The following EIF5 variants were observed in gnomAD, a reference collection of about 807,000 sequenced individuals.
The protein encoded by EIF5 is eukaryotic translation initiation factor 5.
Under a neutral mutation model 48.3 loss-of-function variants are expected in EIF5, and 10 were observed. The ratio of observed to expected loss-of-function variants is 0.21; its 90% CI spans 0.13 to 0.35. The LOEUF (loss-of-function observed/expected upper bound fraction) is 0.35, where lower values mean the gene tolerates loss of function less well. Among genes scored for constraint, EIF5 ranks in the 10% least tolerant of loss-of-function variants. The pLI is 1.00. For missense variants in EIF5, 397 were observed against 533.2 expected (o/e 0.74, Z 2.51); for synonymous variants, 237 against 173.1 (o/e 1.37, Z -2.90).
chr14:103,339,042 C>T, intron 8 of EIF5, 130 bp from the exon 9 acceptor site: 2 of 1,467,042 alleles, frequency 1.4e-6, no homozygotes, highest in Non-Finnish European at 1.8e-6. Flanking sequence ...GCGCGTGATT[C>T]CAGGCACTAT....
At position 103,340,982 on chromosome 14, in the gene EIF5, C is replaced by A; in HGVS notation, c.1226C>A (p.Ala409Asp). 1 of 1,614,040 alleles carries A rather than the reference C, an allele frequency of 6.2e-7. No homozygotes were observed. Among genetic ancestry groups the A allele is most frequent in the South Asian group, 1.1e-5 (1 of 91,082 alleles). Residue 409 changes from alanine (A) to aspartate (D), a missense_variant, in exon 12 of 12, where the codon GCC becomes GAC. Physicochemically the swap from Ala to Asp is moderately radical, Grantham distance 126. Coordinates refer to ENST00000216554, the MANE Select transcript of EIF5 (RefSeq NM_001969.5). ...ENIEVVYSKA[A>D]SVPKVETVKS... The stretch of plus-strand genomic sequence containing the variant: ...TAACAGGTGGTGTATTCGAAGGCTG[C>A]CAGTGTACCGAAAGTTGAGACTGTA...
Position 103,335,838 on chromosome 14 carries a change from G to C in EIF5, c.-23G>C. The C allele has an allele frequency of 1.9e-6, 3 of 1,603,574 alleles. No homozygotes were observed. The highest frequency in any genetic ancestry group is 1.1e-5 in the South Asian group (1 of 90,922). On this transcript the variant is annotated 5_prime_UTR_variant, in exon 3 of 12. An upstream open reading frame in the 5' UTR loses its in-frame stop. Transcript: ENST00000216554. ...CAATCAAAGATCTCTTCATCTTATT[G>C]ATAAAGCCACTAATAAGCCAAAATG...
Position 103,339,720 on chromosome 14 carries a change from A to C in EIF5, c.988A>C (p.Ile330Leu). 2 of 1,614,268 alleles carry C rather than the reference A, an allele frequency of 1.2e-6. No homozygotes were observed. The highest frequency in any genetic ancestry group is 1.7e-6 in the Non-Finnish European group (2 of 1,180,046). ...GGTAGCAATGCATCAAGCTCAGCTT[A>C]TCTCCAAGATTCCACATATCTTGAA... is the stretch of plus-strand genomic sequence containing the variant. ...CVVAMHQAQL[I>L]SKIPHILKEM... Residue 330 changes from isoleucine (I) to leucine (L), a missense_variant, in exon 10 of 12, where the codon ATC (isoleucine) becomes CTC (leucine). Physicochemically the swap from Ile to Leu is conservative, Grantham distance 5. Coordinates refer to ENST00000216554, the MANE Select transcript of EIF5 (RefSeq NM_001969.5).
Position 103,339,822 on chromosome 14 carries a change from G to A in EIF5, c.1071+19G>A, listed in dbSNP as rs1287873221. On this transcript the variant is annotated intron_variant, in intron 10 of 11. Transcript: ENST00000216554. ...GGAAAAGGTGGGGAATACATAGGTG[G>A]GCTCTTAAAGTTCACAGGTTTTGGG... 6 of 1,605,968 alleles carry A rather than the reference G, an allele frequency of 3.7e-6. No individual in the cohort carries two copies. Among genetic ancestry groups the A allele is most frequent in the South Asian group, 1.1e-5 (1 of 89,594 alleles).
intron 4 of EIF5, 33 bp from the exon 5 acceptor site, chr14:103,336,642 CTG>C (rs1491410275): frequency 1.3e-6 from 2 of 1,563,424 alleles, no homozygotes; most frequent in Admixed American, 2.0e-5. Context: ...ATCTAGTTAA[CTG>C]TAACGATCCA....
Position 103,342,763 on chromosome 14 carries a change from G to A in EIF5, c.*1711G>A, listed in dbSNP as rs2089368433. On this transcript the variant is annotated 3_prime_UTR_variant, in exon 12 of 12. Transcript: ENST00000216554. ...CATATACCTGGAGGGAATGTGCTTT[G>A]TCACACCAAAGAGGATTTTTTTTTC... The A allele has an allele frequency of 6.6e-6, 1 of 152,614 alleles. No individual in the cohort carries two copies. Among genetic ancestry groups the A allele is most frequent in the Admixed American group, 6.5e-5 (1 of 15,272 alleles). 9.5% of individuals were successfully genotyped at this position (152,614 alleles called of 1,614,324 possible).
rs1462211849 is a variant in EIF5 at position 103,343,426 on chromosome 14, A to G, written c.*2374A>G. Reference sequence around the variant, plus strand: ...TCTTGGCAGGTGCTTAATAGGGAACATACATACAGCTATGTAACTGTGAAT... The same window carrying G: ...TCTTGGCAGGTGCTTAATAGGGAACGTACATACAGCTATGTAACTGTGAAT... On this transcript the variant is annotated 3_prime_UTR_variant, in exon 12 of 12. Transcript: ENST00000216554. 2.0e-5 allele frequency: 3 copies of G among 152,064 alleles called. No homozygotes were observed. Among genetic ancestry groups the G allele is most frequent in the Non-Finnish European group, 4.4e-5 (3 of 68,020 alleles). The allele number at this position is 152,064 out of a possible 1,614,324, so 9.4% of individuals were successfully genotyped here. A position where few individuals can be genotyped will look rare whatever the true frequency, so the allele number is the denominator to read the frequency against.
At position 103,341,401 on chromosome 14, in the gene EIF5, CCTTA is replaced by C. The variant is rs527934556; in HGVS notation, c.*353_*356del. The C allele has an allele frequency of 1.9e-4, 35 of 184,246 alleles. No individual in the cohort carries two copies. The highest frequency in any genetic ancestry group is 1.5e-3 in the Admixed American group (27 of 18,352). The allele number at this position is 184,246 out of a possible 1,614,324, so 11.4% of individuals were successfully genotyped here. A position where few individuals can be genotyped will look rare whatever the true frequency, so the allele number is the denominator to read the frequency against. Reference sequence around the variant, plus strand: ...ATGACTTAAGCTGAAGTAACTGGCTCCTTACTTTAAATGTTCTGCCATCATTTCA... The same window carrying C: ...ATGACTTAAGCTGAAGTAACTGGCTCCTTTAAATGTTCTGCCATCATTTCA... On this transcript the variant is annotated 3_prime_UTR_variant, in exon 12 of 12. Coordinates refer to ENST00000216554, the MANE Select transcript of EIF5 (RefSeq NM_001969.5).
Position 103,341,817 on chromosome 14 carries a change from C to T in EIF5, c.*765C>T, listed in dbSNP as rs543198214. 51 of 152,678 alleles carry T rather than the reference C, an allele frequency of 3.3e-4. No homozygotes were observed. The highest frequency in any genetic ancestry group is 1.2e-3 in the African/African-American group (49 of 41,542). 9.5% of individuals were successfully genotyped at this position (152,678 alleles called of 1,614,324 possible). ...TACATTAACAAGCATTTTGTGTGTA[C>T]GTAGTAGTTACTTTGTACTGAGAGA... On this transcript the variant is annotated 3_prime_UTR_variant, in exon 12 of 12. Coordinates refer to ENST00000216554, the MANE Select transcript of EIF5 (RefSeq NM_001969.5).
At chr14:103,340,601 C>G in intron 11 of EIF5, 40 bp downstream of exon 11, 1 of 1,580,406 alleles carries the variant, frequency 6.3e-7, no homozygotes, top group Non-Finnish European at 8.6e-7. Flanking sequence ...ACAGTGCTGG[C>G]ATGGGTGTTT....
At chr14:103,339,560 G>GA in intron 9 of EIF5, 79 bp from the exon 10 acceptor site, 1 of 1,596,508 alleles carries the variant, frequency 6.3e-7, no homozygotes, top group Admixed American at 1.7e-5. Context: ...TGCACTTGCA[G>GA]ACACTCTTAT....
chr14:103,338,769 C>T lies in EIF5; in HGVS notation c.620C>T (p.Thr207Ile), dbSNP rs1284697216. ...EEEDDDWGEDTTEEAQRRRMD... is the reference protein window; with the variant it reads ...EEEDDDWGEDITEEAQRRRMD... ...GAGGATGATGACTGGGGAGAAGATA[C>T]AACTGAGGAAGCTCAAAGGCGTCGA... The change falls in exon 8 of 12, where the codon ACA (threonine) becomes ATA (isoleucine). Residue 207 changes from threonine (T) to isoleucine (I), a missense_variant. By Grantham distance (89) the Thr-to-Ile change is moderately conservative. Coordinates refer to ENST00000216554, the MANE Select transcript of EIF5 (RefSeq NM_001969.5). 2 of 1,614,096 alleles carry T rather than the reference C, an allele frequency of 1.2e-6. No individual in the cohort carries two copies. Among genetic ancestry groups the T allele is most frequent in the Non-Finnish European group, 1.7e-6 (2 of 1,180,028 alleles).
Position 103,336,666 on chromosome 14 carries a change from C to G in EIF5, c.155-11C>G, listed in dbSNP as rs2089290861. The G allele has an allele frequency of 6.3e-7, 1 of 1,591,594 alleles. No homozygotes were observed. The highest frequency in any genetic ancestry group is 8.5e-7 in the Non-Finnish European group (1 of 1,171,474). ...ACTGTAACGATCCAAACTCCTTTTT[C>G]ATTCAAATAGATCCCACCAAATATT... On this transcript the variant is annotated splice_polypyrimidine_tract_variant and intron_variant, in intron 4 of 11. Transcript: ENST00000216554.
chr14:103,342,417 A>G lies in EIF5; in HGVS notation c.*1365A>G, dbSNP rs1489139354. 6.6e-6 allele frequency: 1 copy of G among 152,206 alleles called. No homozygotes were observed. The highest frequency in any genetic ancestry group is 1.5e-5 in the Non-Finnish European group (1 of 68,038). 9.4% of individuals were successfully genotyped at this position (152,206 alleles called of 1,614,324 possible). A position where few individuals can be genotyped will look rare whatever the true frequency, so the allele number is the denominator to read the frequency against. ...ATTATGGGTTCTGACTGTTTGAGTA[A>G]TCATCTTCAAGGTTAAACCTCTTGG... On this transcript the variant is annotated 3_prime_UTR_variant, in exon 12 of 12. Transcript: ENST00000216554.
chr14:103,339,999 C>G (rs1411232617), intron 10 of EIF5, among the ~76,000 whole-genome samples, 196 bp downstream of exon 10: 1 of 152,146 alleles, frequency 6.6e-6, no homozygotes, highest in African/African-American at 2.4e-5. Context: ...GCTGGGATTA[C>G]AGGCACCTGC....
chr14:103,338,631 A>G lies in EIF5; in HGVS notation c.586-104A>G. 4.6e-6 allele frequency: 7 copies of G among 1,530,228 alleles called. No homozygotes were observed. The Middle Eastern group carries it at 5.3e-4, about 115-fold the overall frequency. The allele number at this position is 1,530,228 out of a possible 1,614,324, so 94.8% of individuals were successfully genotyped here. A position where few individuals can be genotyped will look rare whatever the true frequency, so the allele number is the denominator to read the frequency against. ...TGTTGTTTGAATTAAGGTGAACCCA[A>G]TTTTGGATGGAGATGGACTTGATGC... On this transcript the variant is annotated intron_variant, in intron 7 of 11. Coordinates refer to ENST00000216554, the MANE Select transcript of EIF5 (RefSeq NM_001969.5).
At chr14:103,336,625 G>T (rs1453519673) in intron 4 of EIF5, 52 bp from the exon 5 acceptor site, 1 of 1,518,720 alleles carries the variant, frequency 6.6e-7, no homozygotes, top group Non-Finnish European at 8.8e-7. Flanking sequence ...TGAGTGAGTA[G>T]CCAGAGATCT....
In EIF5 at chr14:103,339,540, G is replaced by T. The variant is rs1418654285; in HGVS notation, c.907-99G>T. 6 of 1,555,182 alleles carry T rather than the reference G, an allele frequency of 3.9e-6. No individual in the cohort carries two copies. In the Admixed American group the frequency reaches 8.6e-5, roughly 22 times the overall value. On this transcript the variant is annotated intron_variant, in intron 9 of 11. Coordinates refer to ENST00000216554, the MANE Select transcript of EIF5 (RefSeq NM_001969.5). The stretch of plus-strand genomic sequence containing the variant: ...GCATTGACCTTTTTGAACAACTATG[G>T]TATGGGCCATGCACTTGCAGACACT...
chr14:103,335,690 CAT>C lies in EIF5; in HGVS notation c.-169_-168del. 1 of 638,600 alleles carries C rather than the reference CAT, an allele frequency of 1.6e-6. No homozygotes were observed. Among genetic ancestry groups the C allele is most frequent in the Non-Finnish European group, 2.8e-6 (1 of 362,464 alleles). The allele number at this position is 638,600 out of a possible 1,614,324, so 39.6% of individuals were successfully genotyped here. On this transcript the variant is annotated 5_prime_UTR_variant, in exon 3 of 12. The change creates a premature stop within an existing upstream ORF in the 5' untranslated region. Transcript: ENST00000216554. ...GCCATTGGTACCTGTATTGGGGAAA[CAT>C]AGCATACAAGCAAGAAGCTTACAGC...
Sources: gnomAD v4.1 joint callset for allele counts (sites outside exome capture counted in the v4.1 genomes callset) on GRCh38, gnomAD v4.1.1 for gene constraint, MANE v1.5 for transcripts, NCBI Gene and HGNC (gene_info 2026-07-23, HGNC 2026-07-21) for gene names.